PTPRD: variants seen among roughly 807,000 people sequenced by gnomAD.
PTPRD encodes the protein protein tyrosine phosphatase receptor type D, also known as receptor-type tyrosine-protein phosphatase delta.
In PTPRD, 34 loss-of-function variants were observed where a neutral mutation model predicts 214.5. The ratio of observed to expected loss-of-function variants is 0.16; its 90% CI spans 0.12 to 0.21. PTPRD has a LOEUF of 0.21. Among genes scored for constraint, PTPRD ranks in the 10% least tolerant of loss-of-function variants. PTPRD has a pLI of 1.00. For missense variants in PTPRD, 2,545 were observed against 2,398.7 expected (o/e 1.06, Z -1.27); for synonymous variants, 1,128 against 845.7 (o/e 1.33, Z -5.79).
chr9:9,855,701 G>A (rs1049217382), intron 5 of PTPRD, among the ~76,000 whole-genome samples: 1 of 152,190 alleles, frequency 6.6e-6, no homozygotes, highest in African/African-American at 2.4e-5. Flanking sequence ...GAGGCAACAC[G>A]CAGGAGAGTG....
rs758558790 is a variant in PTPRD, at chr9:8,499,822, C to A, written c.2147G>T (p.Arg716Leu). 6.2e-7 allele frequency: 1 copy of A among 1,610,992 alleles called. No homozygotes were observed. Among genetic ancestry groups the A allele is most frequent in the Non-Finnish European group, 8.5e-7 (1 of 1,178,748 alleles). Residue 716 changes from arginine (R) to leucine (L), a missense_variant, in exon 25 of 46, where the codon CGC (arginine) becomes CTC (leucine). By Grantham distance (102) the Arg-to-Leu change is moderately radical. Transcript: ENST00000381196. ...TNEDVPSGPP[R>L]KVEVEAVNST... ...GTTGACAGCCTCTACCTCGACTTTG[C>A]GAGGAGGACCACTAGGAACTGGAAC...
intron 7 of PTPRD, among the ~76,000 whole-genome samples, chr9:9,668,182 C>T (rs999252122): frequency 4.6e-5 from 7 of 152,152 alleles, no homozygotes; most frequent in Admixed American, 1.3e-4. Context: ...ACTCTTATAA[C>T]AATAACTGAT....
At chr9:8,347,086 G>A (rs1336321350) in intron 39 of PTPRD, among the ~76,000 whole-genome samples, 2 of 150,344 alleles carry the variant, frequency 1.3e-5, no homozygotes, top group South Asian at 2.1e-4. Flanking sequence ...TATCCCCTGC[G>A]GATAGAGGGG....
At chr9:8,345,478 T>G (rs1269338438) in intron 39 of PTPRD, among the ~76,000 whole-genome samples, 2 of 152,068 alleles carry the variant, frequency 1.3e-5, no homozygotes, top group Non-Finnish European at 2.9e-5. Flanking sequence ...TTGGCAGCAT[T>G]TGACTATCCC....
chr9:9,771,845 G>T (rs2098754437), intron 5 of PTPRD, among the ~76,000 whole-genome samples: 1 of 152,084 alleles, frequency 6.6e-6, no homozygotes. Flanking sequence ...TAAACAGAAT[G>T]ACTTCAAAAT....
At chr9:10,023,934 A>G (rs1033535008) in intron 4 of PTPRD, among the ~76,000 whole-genome samples, 5 of 152,184 alleles carry the variant, frequency 3.3e-5, no homozygotes, top group African/African-American at 1.2e-4. Flanking sequence ...TACTTCAAGT[A>G]CATATTTTTC....
chr9:9,730,062 T>C (rs2098161828), intron 7 of PTPRD, among the ~76,000 whole-genome samples: 1 of 152,084 alleles, frequency 6.6e-6, no homozygotes, highest in African/African-American at 2.4e-5. Flanking sequence ...AAACATTTAA[T>C]TTTTGAGGGG....
intron 7 of PTPRD, among the ~76,000 whole-genome samples, chr9:9,618,122 G>A (rs1369287761): frequency 5.1e-5 from 7 of 138,008 alleles, no homozygotes; most frequent in African/African-American, 1.8e-4. Flanking sequence ...TCTTCTGGTT[G>A]GAGAATAGAT....
chr9:9,055,129 A>G (rs1321497986), intron 10 of PTPRD, among the ~76,000 whole-genome samples: 1 of 152,192 alleles, frequency 6.6e-6, no homozygotes, highest in African/African-American at 2.4e-5. Flanking sequence ...AATAAGTGAC[A>G]ATATTTTCTA....
chr9:10,130,049 G>GTT (rs34152319), intron 3 of PTPRD, among the ~76,000 whole-genome samples: 1 of 151,416 alleles, frequency 6.6e-6, no homozygotes, highest in African/African-American at 2.4e-5. Flanking sequence ...AGTTTGATTT[G>GTT]TTTTTTTGAT....
At chr9:10,286,444 A>T (rs1474316187) in intron 3 of PTPRD, among the ~76,000 whole-genome samples, 1 of 152,180 alleles carries the variant, frequency 6.6e-6, no homozygotes, top group East Asian at 1.9e-4. Context: ...CTCATTAGAA[A>T]ATAAATACAT....
At chr9:9,202,806 A>T (rs533136667) in intron 9 of PTPRD, among the ~76,000 whole-genome samples, 1 of 152,134 alleles carries the variant, frequency 6.6e-6, no homozygotes, top group Admixed American at 6.5e-5. Flanking sequence ...TTTGCTCTTG[A>T]TCTTTGAAGC....
At chr9:8,483,589 A>G (rs2096934587) in intron 30 of PTPRD, among the ~76,000 whole-genome samples, 1 of 152,150 alleles carries the variant, frequency 6.6e-6, no homozygotes, top group African/African-American at 2.4e-5. Flanking sequence ...GGTCTCTACT[A>G]AAAATACAAA....
At chr9:10,077,242 C>T (rs2098146255) in intron 3 of PTPRD, among the ~76,000 whole-genome samples, 1 of 152,142 alleles carries the variant, frequency 6.6e-6, no homozygotes, top group African/African-American at 2.4e-5. Flanking sequence ...ACCCCTTTCT[C>T]CCATTATCCC....
At chr9:9,228,973 C>T (rs2099961323) in intron 9 of PTPRD, among the ~76,000 whole-genome samples, 1 of 152,072 alleles carries the variant, frequency 6.6e-6, no homozygotes. Context: ...AAAGGCTTAT[C>T]TATAAAGGTA....
intron 8 of PTPRD, among the ~76,000 whole-genome samples, chr9:9,559,019 C>T (rs1026650860): frequency 1.3e-5 from 2 of 152,200 alleles, no homozygotes; most frequent in African/African-American, 4.8e-5. Flanking sequence ...AAGTGGATGT[C>T]CGCACGTTCC....
At chr9:10,181,999 T>C (rs1431363940) in intron 3 of PTPRD, among the ~76,000 whole-genome samples, 1 of 140,024 alleles carries the variant, frequency 7.1e-6, no homozygotes, top group Admixed American at 7.3e-5. Flanking sequence ...CTCACGCCTG[T>C]AATCCCAGCA....
chr9:9,241,659 A>C (rs4307395), intron 9 of PTPRD, among the ~76,000 whole-genome samples: 37,481 of 151,470 alleles, frequency 0.25, 5,407 homozygotes, highest in Middle Eastern at 0.34. Flanking sequence ...AGAGACTAGG[A>C]TTGCAACCCC....
chr9:10,209,239 C>A (rs1265223520), intron 3 of PTPRD, among the ~76,000 whole-genome samples: 2 of 152,064 alleles, frequency 1.3e-5, no homozygotes, highest in African/African-American at 2.4e-5. Context: ...AGTAAAATAT[C>A]TAGGCAGAGA....
Sources: gnomAD v4.1 joint callset for allele counts (sites outside exome capture counted in the v4.1 genomes callset) on GRCh38, gnomAD v4.1.1 for gene constraint, MANE v1.5 for transcripts, NCBI Gene and HGNC (gene_info 2026-07-23, HGNC 2026-07-21) for gene names.